ITGAM: variants seen among roughly 807,000 people sequenced by gnomAD.
ITGAM encodes integrin subunit alpha M, also known as integrin alpha-M.
In ITGAM, 79 loss-of-function variants were observed where a neutral mutation model predicts 137.5. The ratio of observed to expected loss-of-function variants is 0.57; its 90% CI spans 0.48 to 0.69. The LOEUF (loss-of-function observed/expected upper bound fraction) is 0.69. Among genes scored for constraint, ITGAM ranks in the 30% least tolerant of loss-of-function variants. The pLI, the probability that ITGAM is intolerant of heterozygous loss-of-function variation, is 0.00. For synonymous variants in ITGAM, 583 were observed against 592.3 expected, an observed-to-expected ratio of 0.98 and a Z score of 0.23; for missense variants, 1,343 against 1,483.5, an observed-to-expected ratio of 0.91 and a Z score of 1.56.
At position 31,332,853 on chromosome 16, in the gene ITGAM, A is replaced by G. The variant is rs2080605258; in HGVS notation, c.*1146A>G. ...GTTATTGCATCAATGCTGAGTTAAT[A>G]AATCAAATATATGTCATTTTTGCAT... On this transcript the variant is annotated 3_prime_UTR_variant, in exon 30 of 30. Transcript: ENST00000544665. 6.6e-6 allele frequency: 1 copy of G among 152,312 alleles called. No individual in the cohort carries two copies. The highest frequency in any genetic ancestry group is 1.5e-5 in the Non-Finnish European group (1 of 68,034). 9.4% of individuals were successfully genotyped at this position (152,312 alleles called of 1,614,324 possible). A position where few individuals can be genotyped will look rare whatever the true frequency, so the allele number is the denominator to read the frequency against.
intron 2 of ITGAM, among the ~76,000 whole-genome samples, chr16:31,262,330 C>CCCTTCCAT (rs1345251325): frequency 3.7e-4 from 44 of 118,870 alleles, no homozygotes; most frequent in Non-Finnish European, 6.9e-4. Context: ...TCCCTTCCCT[C>CCCTTCCAT]CCTTCCATCC....
intron 14 of ITGAM, among the ~76,000 whole-genome samples, chr16:31,302,558 G>A (rs1238047451): frequency 1.4e-5 from 2 of 143,906 alleles, no homozygotes; most frequent in Admixed American, 7.1e-5. Context: ...GTTTTGAGAC[G>A]GAGTCTCGTG....
At chr16:31,296,153 G>C (rs1343252662) in intron 12 of ITGAM, among the ~76,000 whole-genome samples, 1 of 149,212 alleles carries the variant, frequency 6.7e-6, no homozygotes, top group Non-Finnish European at 1.5e-5. Context: ...TGCCCAGGCT[G>C]GAGTGCAGTG....
At chr16:31,284,162 C>A (rs2080001700) in intron 12 of ITGAM, among the ~76,000 whole-genome samples, 1 of 152,196 alleles carries the variant, frequency 6.6e-6, no homozygotes, top group Non-Finnish European at 1.5e-5. Flanking sequence ...CCCAGTTAGG[C>A]TACTTGGGGG....
At chr16:31,296,926 C>T (rs1332049639) in intron 12 of ITGAM, among the ~76,000 whole-genome samples, 1 of 152,086 alleles carries the variant, frequency 6.6e-6, no homozygotes, top group African/African-American at 2.4e-5. Context: ...TATTTTTAAT[C>T]TAAGCCAGTT....
Position 31,324,810 on chromosome 16 carries a change from G to C in ITGAM, c.2289+28G>C, listed in dbSNP as rs1214619775. 1 of 1,551,744 alleles carries C rather than the reference G, an allele frequency of 6.4e-7. No homozygotes were observed. The highest frequency in any genetic ancestry group is 8.7e-7 in the Non-Finnish European group (1 of 1,151,866). Reference sequence around the variant, plus strand: ...GAGTCCAGAGTTGGGGTCCTGCAGGGGTGTGGAAGAGACCAGAGACCAAGG... The same window carrying C: ...GAGTCCAGAGTTGGGGTCCTGCAGGCGTGTGGAAGAGACCAGAGACCAAGG... On this transcript the variant is annotated intron_variant, in intron 18 of 29. Coordinates refer to ENST00000544665, the MANE Select transcript of ITGAM (RefSeq NM_000632.4). This position sits in a 1 kb window ranked among gnomAD's most constrained non-coding sequence, Gnocchi z 4.5.
At chr16:31,261,629 AC>A in intron 1 of ITGAM, 62 bp from the exon 2 acceptor site, 4 of 1,048,638 alleles carry the variant, frequency 3.8e-6, no homozygotes, top group Non-Finnish European at 5.8e-6. Flanking sequence ...AAGTGCTAGG[AC>A]TACAGCCCCT....
chr16:31,299,962 G>A (rs1428015708), intron 14 of ITGAM, among the ~76,000 whole-genome samples: 1 of 151,824 alleles, frequency 6.6e-6, no homozygotes, highest in Non-Finnish European at 1.5e-5. Context: ...GGGCTCAAGC[G>A]ACCCTCCCAC....
At chr16:31,325,664 C>G in intron 21 of ITGAM, 42 bp downstream of exon 21, 2 of 1,587,096 alleles carry the variant, frequency 1.3e-6, no homozygotes, top group East Asian at 2.2e-5. Context: ...TCTTTGATTT[C>G]TTTGGGGATT....
intron 14 of ITGAM, among the ~76,000 whole-genome samples, chr16:31,318,949 A>AT (rs898797651): frequency 6.6e-5 from 10 of 151,416 alleles, no homozygotes; most frequent in Non-Finnish European, 1.3e-4. Flanking sequence ...TTTCTAATTT[A>AT]TTTTTTTATC....
Position 31,297,008 on chromosome 16 carries a change from T to G in ITGAM, c.1357-506T>G, listed in dbSNP as rs1252956487. On this transcript the variant is annotated intron_variant, in intron 12 of 29. Transcript: ENST00000544665. ...AAAGATTCCCAATATATTGAAAGGG[T>G]GGTATTCTGTCTTCTCTTCTAGAAT... Among the ~76,000 whole-genome samples, 16 of 152,114 alleles carry G rather than the reference T, an allele frequency of 1.1e-4. No homozygotes were observed. In the East Asian group the frequency reaches 2.9e-3, roughly 28 times the overall value.
chr16:31,270,220 G>A (rs1261120970), intron 5 of ITGAM, among the ~76,000 whole-genome samples: 1 of 117,816 alleles, frequency 8.5e-6, no homozygotes, highest in East Asian at 2.2e-4. Context: ...TTTCTTCGAA[G>A]TCTTGCTCTG....
intron 16 of ITGAM, among the ~76,000 whole-genome samples, chr16:31,322,928 C>A (rs562931080): frequency 6.6e-6 from 1 of 150,552 alleles, no homozygotes. Flanking sequence ...GATAAATATG[C>A]GATAAAAAGA....
intron 12 of ITGAM, among the ~76,000 whole-genome samples, chr16:31,293,273 C>T (rs1375012901): frequency 6.6e-6 from 1 of 151,950 alleles, no homozygotes; most frequent in African/African-American, 2.4e-5. Flanking sequence ...TCAATTTTTG[C>T]TTTTGTTGAG....
chr16:31,324,902 T>C lies in ITGAM; in HGVS notation c.2290-56T>C. 1 of 1,546,692 alleles carries C rather than the reference T, an allele frequency of 6.5e-7. No individual in the cohort carries two copies. Among genetic ancestry groups the C allele is most frequent in the East Asian group, 2.2e-5 (1 of 44,454 alleles). On this transcript the variant is annotated intron_variant, in intron 18 of 29. Transcript: ENST00000544665. This position sits in a 1 kb window ranked among gnomAD's most constrained non-coding sequence, Gnocchi z 4.5. ...CAACATTTGATTTTATTGTTTAATT[T>C]CACAATACTTGGTTATTTTCTTTCC... is the stretch of plus-strand genomic sequence containing the variant.
At chr16:31,281,401 G>T (rs1171642216) in intron 12 of ITGAM, among the ~76,000 whole-genome samples, 12 of 152,164 alleles carry the variant, frequency 7.9e-5, no homozygotes, top group Non-Finnish European at 1.3e-4. Flanking sequence ...TTCAGAGCCT[G>T]CTATTGGTCT....
intron 12 of ITGAM, among the ~76,000 whole-genome samples, chr16:31,290,026 A>G (rs1200185730): frequency 6.8e-6 from 1 of 147,784 alleles, no homozygotes; most frequent in East Asian, 2.0e-4. Flanking sequence ...GGTTATGGTG[A>G]GCCGAGATCA....
At chr16:31,285,150 T>TA (rs1485486944) in intron 12 of ITGAM, among the ~76,000 whole-genome samples, 4 of 152,126 alleles carry the variant, frequency 2.6e-5, no homozygotes, top group Admixed American at 2.6e-4. Context: ...CATGCACCAG[T>TA]AAACAGAACG....
chr16:31,263,874 C>A (rs1475824393), intron 2 of ITGAM, among the ~76,000 whole-genome samples: 2 of 150,802 alleles, frequency 1.3e-5, no homozygotes, highest in Non-Finnish European at 1.5e-5. Flanking sequence ...CTCGCTTTGT[C>A]GTCCAGGCTG....
Sources: gnomAD v4.1 joint callset for allele counts (sites outside exome capture counted in the v4.1 genomes callset) on GRCh38, gnomAD v4.1.1 for gene constraint, Gnocchi (gnomAD v3.1) non-coding constraint, MANE v1.5 for transcripts, NCBI Gene and HGNC (gene_info 2026-07-23, HGNC 2026-07-21) for gene names.